The following RBM17 variants were observed in gnomAD, a reference collection of about 807,000 sequenced individuals.
RBM17 encodes the protein RNA binding motif protein 17.
Under a neutral mutation model 53.2 loss-of-function variants are expected in RBM17, and 7 were observed. The ratio of observed to expected loss-of-function variants is 0.13; its 90% CI spans 0.07 to 0.25. The LOEUF (loss-of-function observed/expected upper bound fraction) is 0.25, where lower values mean the gene tolerates loss of function less well. Ranked by LOEUF, RBM17 falls within the 10% of genes least tolerant of loss-of-function variation. The pLI, the probability that RBM17 is intolerant of heterozygous loss-of-function variation, is 1.00. For missense variants in RBM17, 257 were observed against 496.7 expected, an observed-to-expected ratio of 0.52 and a Z score of 4.59; for synonymous variants, 167 against 178.1, an observed-to-expected ratio of 0.94 and a Z score of 0.50.
At chr10:6,113,371 G>A in intron 8 of RBM17, 137 bp from the exon 9 acceptor site, 1 of 632,366 alleles carries the variant, frequency 1.6e-6, no homozygotes, top group South Asian at 2.0e-5. Flanking sequence ...GACCAATTGT[G>A]TAGATGCCTA....
At chr10:6,090,706 A>G (rs569378070) in intron 1 of RBM17, among the ~76,000 whole-genome samples, 3 of 152,270 alleles carry the variant, frequency 2.0e-5, no homozygotes, top group Admixed American at 6.5e-5. Flanking sequence ...ATAATAGTCA[A>G]TAGTGAAGGA....
At chr10:6,113,633 AC>A (rs776057416) in intron 9 of RBM17, 52 bp downstream of exon 9, 3 of 1,122,260 alleles carry the variant, frequency 2.7e-6, no homozygotes, top group South Asian at 1.3e-5. Context: ...TGTGTGTGTC[AC>A]CCCAGCCTAC....
At chr10:6,098,865 T>C (rs895562697) in intron 2 of RBM17, among the ~76,000 whole-genome samples, 4 of 151,672 alleles carry the variant, frequency 2.6e-5, no homozygotes, top group African/African-American at 9.7e-5. Flanking sequence ...AGGTTTTTTT[T>C]CTTAAAAGTT....
chr10:6,106,307 T>C, intron 5 of RBM17, 69 bp downstream of exon 5: 1 of 1,038,772 alleles, frequency 9.6e-7, no homozygotes, highest in Non-Finnish European at 1.5e-6. Flanking sequence ...ATGTGCTTTT[T>C]CTTTTCAGTT....
chr10:6,107,942 T>C (rs569954255), intron 5 of RBM17, among the ~76,000 whole-genome samples: 54 of 152,352 alleles, frequency 3.5e-4, no homozygotes, highest in African/African-American at 1.1e-3. Flanking sequence ...TTAGGACTTA[T>C]GCCTAATGCA....
intron 4 of RBM17, 48 bp from the exon 5 acceptor site, chr10:6,106,093 C>G (rs750422812): frequency 1.5e-5 from 20 of 1,361,832 alleles, no homozygotes; most frequent in Non-Finnish European, 2.0e-5. Flanking sequence ...GTTCAGGTCT[C>G]TAAATTGGTT....
chr10:6,098,762 A>G (rs932859808), intron 2 of RBM17, among the ~76,000 whole-genome samples: 9 of 152,062 alleles, frequency 5.9e-5, no homozygotes, highest in Non-Finnish European at 1.2e-4. Flanking sequence ...GTAAGCCAGG[A>G]TGGTCTCGAT....
intron 5 of RBM17, 145 bp from the exon 6 acceptor site, chr10:6,108,541 T>G: frequency 1.8e-6 from 1 of 563,406 alleles, no homozygotes. Flanking sequence ...TTTGTTCATA[T>G]GTAGCAGGAG....
chr10:6,115,405 T>C (rs1190658299), intron 11 of RBM17, 48 bp from the exon 12 acceptor site: 1 of 1,532,598 alleles, frequency 6.5e-7, no homozygotes, highest in East Asian at 2.2e-5. Flanking sequence ...AAGTTAAACC[T>C]TTATCTTATA....
chr10:6,101,871 C>G (rs753117093), intron 3 of RBM17, among the ~76,000 whole-genome samples: 4 of 152,098 alleles, frequency 2.6e-5, no homozygotes, highest in African/African-American at 7.2e-5. Flanking sequence ...TTAGTACTTA[C>G]TGATTTATTG....
At chr10:6,098,436 G>C (rs887189686) in intron 2 of RBM17, among the ~76,000 whole-genome samples, 1 of 152,098 alleles carries the variant, frequency 6.6e-6, no homozygotes, top group South Asian at 2.1e-4. Context: ...GGGCAGGGGA[G>C]GGAGGGAAGA....
intron 1 of RBM17, among the ~76,000 whole-genome samples, chr10:6,094,747 T>C (rs1840547339): frequency 6.6e-6 from 1 of 152,242 alleles, no homozygotes; most frequent in African/African-American, 2.4e-5. Context: ...TTTTGAGTTC[T>C]GGGTAAGCTG....
At chr10:6,106,297 A>T in intron 5 of RBM17, 59 bp downstream of exon 5, 3 of 1,136,108 alleles carry the variant, frequency 2.6e-6, no homozygotes, top group Non-Finnish European at 3.9e-6. Flanking sequence ...CAATTCCACT[A>T]TGTGCTTTTT....
Position 6,115,433 on chromosome 10 carries a change from G to A in RBM17, c.1103-20G>A. 1 of 1,582,178 alleles carries A rather than the reference G, an allele frequency of 6.3e-7. No homozygotes were observed. Among genetic ancestry groups the A allele is most frequent in the Middle Eastern group, 1.7e-4 (1 of 5,994 alleles). ...ATCTTATAGGATACCTGTATTAACT[G>A]TCTTTTGTTTGCCTTTCAGCGGTTG... is the stretch of plus-strand genomic sequence containing the variant. On this transcript the variant is annotated intron_variant, in intron 11 of 11. Coordinates refer to ENST00000379888, the MANE Select transcript of RBM17 (RefSeq NM_032905.5).
intron 1 of RBM17, among the ~76,000 whole-genome samples, chr10:6,095,316 G>A (rs1163873180): frequency 1.3e-5 from 2 of 151,982 alleles, no homozygotes; most frequent in African/African-American, 4.8e-5. Flanking sequence ...GGGTTCAGGC[G>A]ATTATCATGC....
chr10:6,110,246 T>TACCGTGTGACCTG, intron 7 of RBM17, 119 bp downstream of exon 7: 2 of 834,722 alleles, frequency 2.4e-6, no homozygotes, highest in Non-Finnish European at 3.5e-6. Flanking sequence ...TGTGTGCAGG[T>TACCGTGTGACCTG]CACACGGTAC....
chr10:6,104,730 T>G (rs922866043), intron 3 of RBM17, among the ~76,000 whole-genome samples: 1 of 152,068 alleles, frequency 6.6e-6, no homozygotes, highest in Non-Finnish European at 1.5e-5. Context: ...ATCTAAGAGG[T>G]GAAATTTTGT....
chr10:6,115,422 C>T (rs1293602400), intron 11 of RBM17, 31 bp from the exon 12 acceptor site: 1 of 1,536,858 alleles, frequency 6.5e-7, no homozygotes, highest in South Asian at 1.1e-5. Context: ...TATAGGATAC[C>T]TGTATTAACT....
chr10:6,093,808 T>A (rs1840526467), intron 1 of RBM17, among the ~76,000 whole-genome samples: 1 of 152,224 alleles, frequency 6.6e-6, no homozygotes, highest in Non-Finnish European at 1.5e-5. Context: ...ACCTTGAGGA[T>A]GCGACCCATG....
Sources: allele counts gnomAD v4.1 joint callset (sites outside exome capture counted in the v4.1 genomes callset), GRCh38; gene constraint gnomAD v4.1.1; transcripts MANE v1.5; gene names NCBI Gene and HGNC (gene_info 2026-07-23, HGNC 2026-07-21).